Variants in PLAAT5 observed in about 807,000 individuals in gnomAD.
The protein encoded by PLAAT5 is phospholipase A and acyltransferase 5, also known as Ca(2+)-independent N-acyltransferase.
A neutral mutation model predicts 27.8 loss-of-function variants in PLAAT5; 27 were observed. The ratio of observed to expected loss-of-function variants is 0.97; its 90% CI spans 0.72 to 1.34. The LOEUF is 1.34. PLAAT5 is among the 40% of genes most tolerant of loss of function. The pLI is 0.00. For missense variants in PLAAT5, 368 were observed against 343.8 expected (o/e 1.07, Z -0.56); for synonymous variants, 125 against 136.1 (o/e 0.92, Z 0.57).
chr11:63,489,720 ACATCTGGTATAC>A (rs1170730132), intron 2 of PLAAT5, among the ~76,000 whole-genome samples: 2 of 152,196 alleles, frequency 1.3e-5, no homozygotes, highest in African/African-American at 4.8e-5. Context: ...GCACATGTAA[ACATCTGGTATAC>A]CACCAACTCA....
At chr11:63,482,183 G>A (rs2016303834) in intron 3 of PLAAT5, among the ~76,000 whole-genome samples, 1 of 152,108 alleles carries the variant, frequency 6.6e-6, no homozygotes, top group South Asian at 2.1e-4. Flanking sequence ...TAAAAGTTTG[G>A]AAAACACATT....
chr11:63,466,593 G>A (rs1441367117), intron 4 of PLAAT5, among the ~76,000 whole-genome samples: 5 of 152,124 alleles, frequency 3.3e-5, no homozygotes, highest in African/African-American at 4.8e-5. Flanking sequence ...CCGCACAGGA[G>A]TCTCTTTCTC....
At position 63,490,966 on chromosome 11, in the gene PLAAT5, G is replaced by C. The variant is rs1375176583; in HGVS notation, c.69C>G (p.Pro23=). The change falls in exon 1 of 6, where the codon CCC becomes CCG. Residue 23 remains proline, a synonymous_variant. Transcript: ENST00000540857. ...TACTGGCGGTTCGCGAGGCGGGTTT[G>C]GGGAGGGGTGGGGGAATCCTAGGGA... ...LRLPRIPPPL[P]KPASRTASTG... 1 of 1,585,540 alleles carries C rather than the reference G, an allele frequency of 6.3e-7. No individual in the cohort carries two copies. The highest frequency in any genetic ancestry group is 1.1e-5 in the South Asian group (1 of 87,740).
intron 3 of PLAAT5, among the ~76,000 whole-genome samples, chr11:63,472,410 G>A (rs138067040): frequency 5.9e-5 from 9 of 152,158 alleles, no homozygotes; most frequent in East Asian, 1.9e-4. Context: ...CTTAACCAAC[G>A]TTGTTCTTTT....
At chr11:63,479,573 C>G (rs2016235634) in intron 3 of PLAAT5, among the ~76,000 whole-genome samples, 1 of 152,154 alleles carries the variant, frequency 6.6e-6, no homozygotes, top group Non-Finnish European at 1.5e-5. Context: ...TCCTTTCAGA[C>G]ATAGGTAAAT....
At chr11:63,466,478 A>C in intron 4 of PLAAT5, 106 bp from the exon 5 acceptor site, 1 of 1,131,594 alleles carries the variant, frequency 8.8e-7, no homozygotes. Flanking sequence ...CATTGGCACC[A>C]TCAGTAGAAG....
At chr11:63,478,348 T>A (rs1349131712) in intron 3 of PLAAT5, among the ~76,000 whole-genome samples, 1 of 150,940 alleles carries the variant, frequency 6.6e-6, no homozygotes. Context: ...TTAGACGGAG[T>A]CTTGCTCTGT....
At chr11:63,471,545 G>C (rs974791516) in intron 3 of PLAAT5, among the ~76,000 whole-genome samples, 30 of 152,158 alleles carry the variant, frequency 2.0e-4, no homozygotes, top group African/African-American at 7.2e-4. Flanking sequence ...TTCCATGGAA[G>C]AGTAAAGACA....
chr11:63,463,496 A>G lies in PLAAT5; in HGVS notation c.*7T>C. ...AACTCTTCCTCTAGCTGGAGTTTTC[A>G]TCACCTTCAGGCAGTTATTGGTTTG... On this transcript the variant is annotated 3_prime_UTR_variant, in exon 6 of 6. Coordinates refer to ENST00000540857, the MANE Select transcript of PLAAT5 (RefSeq NM_001146729.2). 1 of 1,608,674 alleles carries G rather than the reference A, an allele frequency of 6.2e-7. No individual in the cohort carries two copies. Among genetic ancestry groups the G allele is most frequent in the African/African-American group, 1.3e-5 (1 of 74,940 alleles).
At position 63,488,920 on chromosome 11, in the gene PLAAT5, G is replaced by T; in HGVS notation, c.296C>A (p.Ser99Ter). ...TTPSQKADWS[S>*]IPKPENEGKL... ...GCCTTCATTCTCAGGCTTTGGAATT[G>T]AACTCCAGTCTGCTTTCTGGCTGGG... The change falls in exon 3 of 6, where the codon TCA (serine) becomes TAA (stop). Residue 99 changes from serine to a stop codon, truncating the protein, a stop_gained. Coordinates refer to ENST00000540857, the MANE Select transcript of PLAAT5 (RefSeq NM_001146729.2). LOFTEE classifies it high-confidence loss of function. The T allele has an allele frequency of 6.2e-7, 1 of 1,613,736 alleles. No individual in the cohort carries two copies. Among genetic ancestry groups the T allele is most frequent in the Middle Eastern group, 1.6e-4 (1 of 6,062 alleles).
At chr11:63,471,049 C>A (rs1370828132) in intron 3 of PLAAT5, 1 of 152,106 alleles carries the variant, frequency 6.6e-6, no homozygotes, top group African/African-American at 2.4e-5. Flanking sequence ...TGCAAAGAAA[C>A]CTTACAGATG....
At chr11:63,490,150 C>A in intron 2 of PLAAT5, 93 bp downstream of exon 2, 2 of 1,566,178 alleles carry the variant, frequency 1.3e-6, no homozygotes, top group Non-Finnish European at 1.8e-6. Context: ...CACACAAAAA[C>A]CACCTCTGGG....
chr11:63,471,447 T>C (rs987602622), intron 3 of PLAAT5, among the ~76,000 whole-genome samples: 1 of 152,238 alleles, frequency 6.6e-6, no homozygotes. Flanking sequence ...TTCATTCCTA[T>C]TGTTTATGTG....
intron 3 of PLAAT5, among the ~76,000 whole-genome samples, chr11:63,482,595 A>G (rs1236101792): frequency 6.6e-6 from 1 of 152,216 alleles, no homozygotes; most frequent in East Asian, 1.9e-4. Context: ...AGCCAGCACT[A>G]CAAGAAATGA....
Position 63,462,635 on chromosome 11 carries a change from G to T in PLAAT5, c.*868C>A, listed in dbSNP as rs2015747374. 6.6e-6 allele frequency: 1 copy of T among 151,970 alleles called. No homozygotes were observed. The highest frequency in any genetic ancestry group is 6.5e-5 in the Admixed American group (1 of 15,274). The allele number at this position is 151,970 out of a possible 1,614,324, so 9.4% of individuals were successfully genotyped here. A position where few individuals can be genotyped will look rare whatever the true frequency, so the allele number is the denominator to read the frequency against. On this transcript the variant is annotated 3_prime_UTR_variant, in exon 6 of 6. Transcript: ENST00000540857. Reference sequence around the variant, plus strand: ...GAGAACACTTTTCTAGCTTTTTTGGGTGGTTTCAGCTACCAGCTATCACTA... The same window carrying T: ...GAGAACACTTTTCTAGCTTTTTTGGTTGGTTTCAGCTACCAGCTATCACTA...
chr11:63,490,301 G>T lies in PLAAT5; in HGVS notation c.181C>A (p.Leu61Ile). Reference protein sequence around the residue: ...ESVGFAALVQLPAKQPPPGTL... With the variant: ...ESVGFAALVQIPAKQPPPGTL... Reference sequence around the variant, plus strand: ...CCCGGCGGAGGCTGCTTGGCTGGGAGCTGGACCAACGCTGCGAATCCCACG... The same window carrying T: ...CCCGGCGGAGGCTGCTTGGCTGGGATCTGGACCAACGCTGCGAATCCCACG... The change falls in exon 2 of 6, where the codon CTC (leucine) becomes ATC (isoleucine). Residue 61 changes from leucine (L) to isoleucine (I), a missense_variant. Physicochemically the swap from Leu to Ile is conservative, Grantham distance 5 (BLOSUM62 2). Coordinates refer to ENST00000540857, the MANE Select transcript of PLAAT5 (RefSeq NM_001146729.2). The T allele has an allele frequency of 6.2e-7, 1 of 1,614,192 alleles. No individual in the cohort carries two copies. Among genetic ancestry groups the T allele is most frequent in the Non-Finnish European group, 8.5e-7 (1 of 1,180,034 alleles).
rs1440075609 is a variant in PLAAT5, at chr11:63,491,150, G to C, written c.-116C>G. ...CCGCGGAAGCTTGGGCACTGGGGGC[G>C]GCTCGGGGAGGAACCGCGGAGGGGA... On this transcript the variant is annotated 5_prime_UTR_variant, in exon 1 of 6. Transcript: ENST00000540857. 1.1e-6 allele frequency: 1 copy of C among 910,896 alleles called. No homozygotes were observed. The highest frequency in any genetic ancestry group is 1.5e-6 in the Non-Finnish European group (1 of 668,404). The allele number at this position is 910,896 out of a possible 1,614,324, so 56.4% of individuals were successfully genotyped here. A position where few individuals can be genotyped will look rare whatever the true frequency, so the allele number is the denominator to read the frequency against.
In PLAAT5 at chr11:63,480,283, T is replaced by C. The variant is rs150210506; in HGVS notation, c.345+8588A>G. Among the ~76,000 whole-genome samples, 1,490 of 152,266 alleles carry C rather than the reference T, an allele frequency of 9.8e-3. 6 individuals are homozygous for C. Among genetic ancestry groups the C allele is most frequent in the South Asian group, 0.015 (72 of 4,824 alleles). ...ACTGACAGCAAGAAGATAACCCAAT[T>C]CATTGTGAGGCCAATCTAAGCCAGA... On this transcript the variant is annotated intron_variant, in intron 3 of 5. Coordinates refer to ENST00000540857, the MANE Select transcript of PLAAT5 (RefSeq NM_001146729.2).
Position 63,488,765 on chromosome 11 carries a change from G to A in PLAAT5, c.345+106C>T, listed in dbSNP as rs572943591. 23 of 652,804 alleles carry A rather than the reference G, an allele frequency of 3.5e-5. No homozygotes were observed. In the East Asian group the frequency reaches 5.9e-4, roughly 17 times the overall value. 40.4% of individuals were successfully genotyped at this position (652,804 alleles called of 1,614,324 possible). A position where few individuals can be genotyped will look rare whatever the true frequency, so the allele number is the denominator to read the frequency against. On this transcript the variant is annotated intron_variant, in intron 3 of 5. Transcript: ENST00000540857. Reference sequence around the variant, plus strand: ...CGTTTCTTCTTCCAGTGTGGCCCAGGGAAGCCTAAAGATTGGACACCCCTA... The same window carrying A: ...CGTTTCTTCTTCCAGTGTGGCCCAGAGAAGCCTAAAGATTGGACACCCCTA...
Sources: allele counts gnomAD v4.1 joint callset (sites outside exome capture counted in the v4.1 genomes callset), GRCh38; gene constraint gnomAD v4.1.1; transcripts MANE v1.5; gene names NCBI Gene and HGNC (gene_info 2026-07-23, HGNC 2026-07-21).